The following MAP3K4 variants were observed in gnomAD, a reference collection of about 807,000 sequenced individuals.
The protein encoded by MAP3K4 is mitogen-activated protein kinase kinase kinase 4, also known as MAP three kinase 1.
In MAP3K4, 67 loss-of-function variants were observed where a neutral mutation model predicts 185.6. The ratio of observed to expected loss-of-function variants is 0.36; its 90% CI spans 0.30 to 0.44. The LOEUF (loss-of-function observed/expected upper bound fraction) is 0.44. Among genes scored for constraint, MAP3K4 ranks in the 20% least tolerant of loss-of-function variants. The pLI, the probability that MAP3K4 is intolerant of heterozygous loss-of-function variation, is 1.00. For missense variants in MAP3K4, 1,551 were observed against 1,995.1 expected, an observed-to-expected ratio of 0.78 and a Z score of 4.24; for synonymous variants, 702 against 710.4, an observed-to-expected ratio of 0.99 and a Z score of 0.19.
intron 3 of MAP3K4, among the ~76,000 whole-genome samples, chr6:161,057,007 T>C (rs1205444410): frequency 2.6e-5 from 4 of 152,222 alleles, no homozygotes; most frequent in African/African-American, 9.6e-5. Context: ...TTCAGAAGAA[T>C]AAGATGAATA....
chr6:161,079,827 C>T (rs1052911912), intron 5 of MAP3K4, among the ~76,000 whole-genome samples: 1 of 152,090 alleles, frequency 6.6e-6, no homozygotes, highest in Non-Finnish European at 1.5e-5. Flanking sequence ...ACACAGTGAA[C>T]GATACAGCAG....
intron 1 of MAP3K4, among the ~76,000 whole-genome samples, chr6:161,029,841 T>TTTTGTTTG (rs112353353): frequency 1.3e-5 from 2 of 152,110 alleles, no homozygotes; most frequent in African/African-American, 4.8e-5. Flanking sequence ...TGTATAAGTG[T>TTTTGTTTG]TTTGTTTGTT....
Position 161,089,430 on chromosome 6 carries a change from T to C in MAP3K4, c.2932T>C (p.Ser978Pro). 1.9e-6 allele frequency: 3 copies of C among 1,614,182 alleles called. No homozygotes were observed. Among genetic ancestry groups the C allele is most frequent in the Non-Finnish European group, 2.5e-6 (3 of 1,180,028 alleles). Reference sequence around the variant, plus strand: ...TATGACTCTGTGCCAGGAGCAGACATCCAGTCAGCCGGTCATCGCCAAAGC... The same window carrying C: ...TATGACTCTGTGCCAGGAGCAGACACCCAGTCAGCCGGTCATCGCCAAAGC... ...GLMTLCQEQT[S>P]SQPVIAKALQ... The change falls in exon 11 of 27, where the codon TCC (serine) becomes CCC (proline). Residue 978 changes from serine to proline, a missense_variant. This residue lies in a region of MAP3K4 where 261 missense variants were observed against 306.5 expected (regional missense o/e 0.85). Transcript: ENST00000392142.
chr6:161,040,718 T>A (rs1783412007), intron 2 of MAP3K4, among the ~76,000 whole-genome samples: 1 of 152,254 alleles, frequency 6.6e-6, no homozygotes, highest in East Asian at 1.9e-4. Flanking sequence ...TCTTCCACAC[T>A]AGCCAAGAAC....
At chr6:161,027,260 A>G (rs1453198811) in intron 1 of MAP3K4, among the ~76,000 whole-genome samples, 1 of 152,216 alleles carries the variant, frequency 6.6e-6, no homozygotes, top group Non-Finnish European at 1.5e-5. Context: ...TATACTTAAC[A>G]AGAGTTTCTG....
chr6:161,000,115 T>C (rs967312849), intron 1 of MAP3K4, among the ~76,000 whole-genome samples: 5 of 152,186 alleles, frequency 3.3e-5, no homozygotes, highest in African/African-American at 1.2e-4. Flanking sequence ...TTTATGACAG[T>C]GTGTGTGTGC....
chr6:161,085,552 C>T (rs1183328513), intron 7 of MAP3K4, among the ~76,000 whole-genome samples: 7 of 152,296 alleles, frequency 4.6e-5, no homozygotes, highest in South Asian at 2.1e-4. Context: ...AAAATGTTTT[C>T]GCTCACCATT....
At position 161,096,969 on chromosome 6, in the gene MAP3K4, T is replaced by C; in HGVS notation, c.3428-111T>C. ...TTTTACTTATATAAATGGACTTACCTTGGTCATTGGCCAGAATAAGTGACA... is the reference window on the plus strand; with the variant it reads ...TTTTACTTATATAAATGGACTTACCCTGGTCATTGGCCAGAATAAGTGACA... On this transcript the variant is annotated intron_variant, in intron 15 of 26. Coordinates refer to ENST00000392142, the MANE Select transcript of MAP3K4 (RefSeq NM_005922.4). The surrounding 1 kb of genome is among the most constrained non-coding windows in gnomAD (Gnocchi z 4.9). The C allele has an allele frequency of 4.0e-6, 3 of 756,694 alleles. No homozygotes were observed. Among genetic ancestry groups the C allele is most frequent in the Non-Finnish European group, 6.9e-6 (3 of 434,328 alleles). The allele number at this position is 756,694 out of a possible 1,614,324, so 46.9% of individuals were successfully genotyped here.
At position 161,106,209 on chromosome 6, in the gene MAP3K4, G is replaced by A. The variant is rs1778064488; in HGVS notation, c.3857-305G>A. Among the ~76,000 whole-genome samples, 1 of 152,116 alleles carries A rather than the reference G, an allele frequency of 6.6e-6. No homozygotes were observed. The highest frequency in any genetic ancestry group is 2.4e-5 in the African/African-American group (1 of 41,434). On this transcript the variant is annotated intron_variant, in intron 19 of 26. Transcript: ENST00000392142. This position sits in a 1 kb window ranked among gnomAD's most constrained non-coding sequence, Gnocchi z 4.9. ...TTAATAATATGGCAAACAAGAGTGT[G>A]GAATGGAGAGAGGAGAAACTAGAGA...
rs148892585 is a variant in MAP3K4 at position 161,007,081 on chromosome 6, A to T, written c.152+14998A>T. ...TTCCTTACTGTGCTGCAGATGAGCA[A>T]GGTCCAAAGCGCAGGACCAGGAATT... On this transcript the variant is annotated intron_variant, in intron 1 of 26. Transcript: ENST00000392142. The surrounding 1 kb of genome is among the most constrained non-coding windows in gnomAD (Gnocchi z 4.5). 7.9e-5 allele frequency among the ~76,000 whole-genome samples: 12 copies of T among 152,334 alleles called. No individual in the cohort carries two copies. In the East Asian group the frequency reaches 1.9e-3, roughly 25 times the overall value.
At position 161,086,639 on chromosome 6, in the gene MAP3K4, A is replaced by G. The variant is rs1267203551; in HGVS notation, c.2528A>G (p.Asp843Gly). The change falls in exon 9 of 27, where the codon GAT (aspartate) becomes GGT (glycine). Residue 843 changes from aspartate (D) to glycine (G), a missense_variant. By Grantham distance (94) the Asp-to-Gly change is moderately conservative. Coordinates refer to ENST00000392142, the MANE Select transcript of MAP3K4 (RefSeq NM_005922.4). The surrounding 1 kb of genome is among the most constrained non-coding windows in gnomAD (Gnocchi z 4.8). The part of the protein sequence containing the change: ...RLSAPVRDLL[D>G]VLKSKQYVKV... ...TCAGCCCCAGTTAGAGACCTCCTGG[A>G]TGTTCTGAAATCAAAACAGTATGTC... The G allele has an allele frequency of 6.2e-7, 1 of 1,613,976 alleles. No homozygotes were observed. Among genetic ancestry groups the G allele is most frequent in the Admixed American group, 1.7e-5 (1 of 60,008 alleles).
chr6:161,092,956 A>G, intron 13 of MAP3K4, 22 bp from the exon 14 acceptor site: 1 of 1,502,472 alleles, frequency 6.7e-7, no homozygotes, highest in African/African-American at 1.4e-5. Flanking sequence ...TTATGTGATT[A>G]CTGAACTTTT....
intron 3 of MAP3K4, among the ~76,000 whole-genome samples, chr6:161,055,158 C>G (rs1403668505): frequency 6.6e-6 from 1 of 152,200 alleles, no homozygotes; most frequent in African/African-American, 2.4e-5. Flanking sequence ...TCTTGCTCCT[C>G]TTTCATTAGA....
chr6:161,091,361 A>T lies in MAP3K4; in HGVS notation c.2974-18A>T. ...TGATTTGCTTCATTTTGCATTAATC[A>T]TGGTTTGGACTCTTCAGAATGATGC... On this transcript the variant is annotated intron_variant, in intron 11 of 26. Transcript: ENST00000392142. This position sits in a 1 kb window ranked among gnomAD's most constrained non-coding sequence, Gnocchi z 5.5. The T allele has an allele frequency of 6.3e-7, 1 of 1,599,344 alleles. No individual in the cohort carries two copies. The highest frequency in any genetic ancestry group is 1.7e-4 in the Middle Eastern group (1 of 5,980).
Position 161,063,202 on chromosome 6 carries a change from AG to A in MAP3K4, c.1708-7404del, listed in dbSNP as rs1018802521. ...AATTAAATTCTGAGTTCTATCACTGAGGTTTTTTTTCTAATTCTAATTTTTG... is the reference window on the plus strand; with the variant it reads ...AATTAAATTCTGAGTTCTATCACTGAGTTTTTTTTCTAATTCTAATTTTTG... On this transcript the variant is annotated intron_variant, in intron 3 of 26. Coordinates refer to ENST00000392142, the MANE Select transcript of MAP3K4 (RefSeq NM_005922.4). The surrounding 1 kb of genome is among the most constrained non-coding windows in gnomAD (Gnocchi z 5.4). Among the ~76,000 whole-genome samples, 4 of 151,598 alleles carry A rather than the reference AG, an allele frequency of 2.6e-5. No individual in the cohort carries two copies. Among genetic ancestry groups the A allele is most frequent in the Non-Finnish European group, 5.9e-5 (4 of 67,860 alleles).
intron 2 of MAP3K4, among the ~76,000 whole-genome samples, chr6:161,046,284 T>A (rs1220456224): frequency 1.3e-5 from 2 of 152,158 alleles, no homozygotes. Context: ...GTTAACCAAA[T>A]AGTATGTATG....
intron 19 of MAP3K4, 45 bp downstream of exon 19, chr6:161,102,824 A>G (rs754362192): frequency 9.1e-6 from 10 of 1,103,826 alleles, no homozygotes; most frequent in Admixed American, 2.8e-5. Context: ...AAAAAAAAAA[A>G]CACGATTACA....
At chr6:161,059,352 G>T (rs544701680) in intron 3 of MAP3K4, among the ~76,000 whole-genome samples, 1 of 152,230 alleles carries the variant, frequency 6.6e-6, no homozygotes, top group East Asian at 1.9e-4. Context: ...GGCCAGGCTG[G>T]TCTCGAACTC....
chr6:161,043,817 A>G lies in MAP3K4; in HGVS notation c.344-4799A>G, dbSNP rs1203727533. On this transcript the variant is annotated intron_variant, in intron 2 of 26. Coordinates refer to ENST00000392142, the MANE Select transcript of MAP3K4 (RefSeq NM_005922.4). This position sits in a 1 kb window ranked among gnomAD's most constrained non-coding sequence, Gnocchi z 4.3. ...GTATTCTAGTTCATCATTACTCTGA[A>G]GATCATCTCATACTTAAAGATTATC... Among the ~76,000 whole-genome samples the G allele has an allele frequency of 6.6e-6, 1 of 152,204 alleles. No homozygotes were observed. The highest frequency in any genetic ancestry group is 2.4e-5 in the African/African-American group (1 of 41,452).
Sources: allele counts gnomAD v4.1 joint callset (sites outside exome capture counted in the v4.1 genomes callset), GRCh38; gene constraint gnomAD v4.1.1; regional missense constraint gnomAD v4.1.1; non-coding constraint Gnocchi (gnomAD v3.1); transcripts MANE v1.5; gene names NCBI Gene and HGNC (gene_info 2026-07-23, HGNC 2026-07-21).